The following DRC9 variants were observed in gnomAD, a reference collection of about 807,000 sequenced individuals.
The protein encoded by DRC9 is dynein regulatory complex subunit 9.
chr3:197,942,818 G>C, the DRC9 span, among the ~76,000 whole-genome samples: 1 of 149,404 alleles, frequency 6.7e-6, no homozygotes, highest in South Asian at 2.1e-4. Context: ...TGAGGCAGGA[G>C]AACTGCTTGA....
the DRC9 span, chr3:197,957,387 T>TG: frequency 3.3e-5 from 5 of 152,274 alleles, 1 homozygote; most frequent in Admixed American, 3.3e-4. Flanking sequence ...CTGCCATTGT[T>TG]GGAGTCCCGT....
chr3:197,915,992 T>C, the DRC9 span, among the ~76,000 whole-genome samples: 2 of 151,724 alleles, frequency 1.3e-5, 1 homozygote, highest in African/African-American at 4.8e-5. Flanking sequence ...ATTAAAAAAA[T>C]TTTTTTGTTT....
the DRC9 span, chr3:197,958,144 T>A: frequency 2.0e-5 from 3 of 152,212 alleles, no homozygotes; most frequent in African/African-American, 7.2e-5. Context: ...CATAGCTCAC[T>A]GCACCTTTGA....
chr3:197,946,242 T>A, the DRC9 span, among the ~76,000 whole-genome samples: 22 of 152,090 alleles, frequency 1.4e-4, no homozygotes, highest in African/African-American at 5.3e-4. Flanking sequence ...GAGACCATCC[T>A]GGCTAACACG....
chr3:197,921,638 T>C, the DRC9 span, among the ~76,000 whole-genome samples: 5 of 151,910 alleles, frequency 3.3e-5, no homozygotes, highest in Non-Finnish European at 5.9e-5. Context: ...GACTACTGGT[T>C]TTCAGTAACT....
chr3:197,952,172 T>G, the DRC9 span, among the ~76,000 whole-genome samples: 2 of 135,604 alleles, frequency 1.5e-5, no homozygotes, highest in African/African-American at 2.7e-5. Flanking sequence ...GTTTTTTTTT[T>G]TTTTTTTTTT....
chr3:197,917,884 C>G, the DRC9 span, among the ~76,000 whole-genome samples: 8 of 151,860 alleles, frequency 5.3e-5, no homozygotes, highest in Admixed American at 3.3e-4. Context: ...GCATGTGCCA[C>G]CATGCCTGGC....
chr3:197,907,529 C>T, the DRC9 span, among the ~76,000 whole-genome samples: 1 of 152,376 alleles, frequency 6.6e-6, no homozygotes, highest in South Asian at 2.1e-4. Flanking sequence ...TTAGAATCAA[C>T]TCGACATGTT....
At chr3:197,940,248 G>A in the DRC9 span, among the ~76,000 whole-genome samples, 2 of 151,204 alleles carry the variant, frequency 1.3e-5, no homozygotes, top group Admixed American at 6.6e-5. Context: ...CACCTGCCTC[G>A]GCCTCCCAAA....
At chr3:197,912,869 G>A in the DRC9 span, 1 of 793,422 alleles carries the variant, frequency 1.3e-6, no homozygotes, top group Non-Finnish European at 2.2e-6. Context: ...GGGATCCCGG[G>A]CTTTCAGTTC....
chr3:197,932,051 G>A, the DRC9 span: 1 of 1,047,278 alleles, frequency 9.5e-7, no homozygotes. Context: ...CCCAAATTCT[G>A]ACTTCTAGTT....
At chr3:197,950,377 G>A in the DRC9 span, 2 of 1,203,748 alleles carry the variant, frequency 1.7e-6, no homozygotes, top group Non-Finnish European at 2.1e-6. Flanking sequence ...GGAGATGTTG[G>A]GCTGATGGTG....
the DRC9 span, chr3:197,889,744 G>A: frequency 7.9e-5 from 127 of 1,613,426 alleles, no homozygotes; most frequent in African/African-American, 1.1e-3. Context: ...TGAGTACGAC[G>A]TATGCTATGC....
the DRC9 span, among the ~76,000 whole-genome samples, chr3:197,926,316 C>T: frequency 2.6e-5 from 4 of 152,166 alleles, no homozygotes; most frequent in African/African-American, 7.2e-5. Context: ...TTCAATAACA[C>T]GTTTTAAAAG....
the DRC9 span, chr3:197,950,257 A>C: frequency 8.1e-7 from 1 of 1,230,400 alleles, no homozygotes; most frequent in Non-Finnish European, 1.0e-6. Context: ...TTTGGGGGCA[A>C]ATAACCGGAG....
chr3:197,950,915 A>T, the DRC9 span: 1 of 1,613,306 alleles, frequency 6.2e-7, no homozygotes, highest in South Asian at 1.1e-5. Context: ...GTTTTAAACT[A>T]ATCTTTTTGT....
chr3:197,896,379 A>G, the DRC9 span, among the ~76,000 whole-genome samples: 72 of 152,338 alleles, frequency 4.7e-4, no homozygotes, highest in East Asian at 0.011. Flanking sequence ...TGGTATACAG[A>G]TATTACAAAA....
chr3:197,933,095 C>CAT, the DRC9 span, among the ~76,000 whole-genome samples: 77 of 136,668 alleles, frequency 5.6e-4, no homozygotes, highest in East Asian at 8.1e-4. Flanking sequence ...ATATATTATA[C>CAT]ATATATATAT....
chr3:197,896,871 G>C, the DRC9 span, among the ~76,000 whole-genome samples: 18 of 152,098 alleles, frequency 1.2e-4, no homozygotes, highest in Non-Finnish European at 1.9e-4. Context: ...CCCTCTGAAA[G>C]AAAAACTTCT....
Sources: gnomAD v4.1 joint callset for allele counts (sites outside exome capture counted in the v4.1 genomes callset) on GRCh38, gnomAD v4.1.1 for gene constraint, MANE v1.5 for transcripts, NCBI Gene and HGNC (gene_info 2026-07-23, HGNC 2026-07-21) for gene names.